The following CFAP74 variants were observed in gnomAD, a reference collection of about 807,000 sequenced individuals.
CFAP74 encodes the protein cilia- and flagella-associated protein 74.
Under a neutral mutation model 188.9 loss-of-function variants are expected in CFAP74, and 124 were observed. That is an observed-to-expected ratio of 0.66 (90% CI 0.57 to 0.76). The LOEUF is 0.76. Among genes scored for constraint, CFAP74 ranks in the 30% least tolerant of loss-of-function variants. The pLI is 0.00. For missense variants in CFAP74, 2,198 were observed against 2,165.2 expected (o/e 1.02, Z -0.30); for synonymous variants, 956 against 916.7 (o/e 1.04, Z -0.77).
chr1:1,934,020 T>A (rs1015089528), intron 25 of CFAP74, among the ~76,000 whole-genome samples: 19 of 152,140 alleles, frequency 1.2e-4, no homozygotes, highest in African/African-American at 4.3e-4. Context: ...GTCACAAAAA[T>A]ACCCAGGCTG....
chr1:1,969,812 T>C (rs936104855), intron 10 of CFAP74, among the ~76,000 whole-genome samples: 1 of 152,016 alleles, frequency 6.6e-6, no homozygotes, highest in African/African-American at 2.4e-5. Flanking sequence ...GAGGATGCCT[T>C]GCCCAGTGAG....
chr1:1,937,831 G>C (rs1353338012), intron 25 of CFAP74, among the ~76,000 whole-genome samples: 1 of 141,254 alleles, frequency 7.1e-6, no homozygotes, highest in Non-Finnish European at 1.6e-5. Flanking sequence ...AGAGCACGCA[G>C]GGATTTACAA....
At position 1,985,387 on chromosome 1, in the gene CFAP74, C is replaced by T. The variant is rs868704620; in HGVS notation, c.499G>A (p.Glu167Lys). The T allele has an allele frequency of 1.1e-5, 18 of 1,613,326 alleles. No individual in the cohort carries two copies. Among genetic ancestry groups the T allele is most frequent in the East Asian group, 2.2e-5 (1 of 44,894 alleles). Residue 167 changes from glutamate to lysine, a missense_variant and splice_region_variant, in exon 6 of 39, where the codon GAG becomes AAG. Transcript: ENST00000682832. ...SRTEAVLKES[E>K]NTMWHIEIQE... ...AGTCCCGGCTGCACACCGACTCACTCGCTCTCCTTCAGCACGGCCTCAGTC... is the reference window on the plus strand; with the variant it reads ...AGTCCCGGCTGCACACCGACTCACTTGCTCTCCTTCAGCACGGCCTCAGTC...
chr1:1,969,062 C>T lies in CFAP74; in HGVS notation c.1047-229G>A, dbSNP rs910969660. 2.4e-4 allele frequency among the ~76,000 whole-genome samples: 36 copies of T among 152,292 alleles called. 1 individual carries two copies. Among genetic ancestry groups the T allele is most frequent in the Non-Finnish European group, 1.3e-4 (9 of 68,006 alleles). On this transcript the variant is annotated intron_variant, in intron 10 of 38. Transcript: ENST00000682832. ...GGAACTTCCTGGTCCTGGAGCTAAA[C>T]GCAAGCTCCAGTGGGAAGCAGATGG...
At position 1,975,100 on chromosome 1, in the gene CFAP74, C is replaced by G. The variant is rs918091014; in HGVS notation, c.501-902G>C. ...ACTGCATTGCTGACATTCCACGTGACGTGTGCCACAGCTCTGTCCTAGACA... is the reference window on the plus strand; with the variant it reads ...ACTGCATTGCTGACATTCCACGTGAGGTGTGCCACAGCTCTGTCCTAGACA... On this transcript the variant is annotated intron_variant, in intron 6 of 38. Transcript: ENST00000682832. This position sits in a 1 kb window ranked among gnomAD's most constrained non-coding sequence, Gnocchi z 4.5. Among the ~76,000 whole-genome samples the G allele has an allele frequency of 1.3e-5, 2 of 152,238 alleles. No homozygotes were observed. Among genetic ancestry groups the G allele is most frequent in the Admixed American group, 6.5e-5 (1 of 15,290 alleles).
chr1:1,947,240 C>A (rs1258678209), intron 18 of CFAP74, among the ~76,000 whole-genome samples, 186 bp from the exon 19 acceptor site: 1 of 152,250 alleles, frequency 6.6e-6, no homozygotes, highest in South Asian at 2.1e-4. Flanking sequence ...CCAGTCCCCA[C>A]CGTGCCCGGA....
In CFAP74 at chr1:1,988,503, C is replaced by T; in HGVS notation, c.296+9G>A. 1 of 1,610,228 alleles carries T rather than the reference C, an allele frequency of 6.2e-7. No homozygotes were observed. The highest frequency in any genetic ancestry group is 8.5e-7 in the Non-Finnish European group (1 of 1,179,948). ...AGGTGCAGGTGCAGCGGCCTCAGCC[C>T]CAGCTCACCTCATCTTCTCAGTGAA... On this transcript the variant is annotated intron_variant, in intron 4 of 38. Transcript: ENST00000682832.
At chr1:1,950,868 A>T (rs1443996763) in intron 18 of CFAP74, among the ~76,000 whole-genome samples, 1 of 152,168 alleles carries the variant, frequency 6.6e-6, no homozygotes, top group Non-Finnish European at 1.5e-5. Context: ...TATGTCTAAG[A>T]AAAACCTTTG....
chr1:1,959,013 C>T lies in CFAP74; in HGVS notation c.1851+107G>A, dbSNP rs1654867723. The T allele has an allele frequency of 5.4e-6, 4 of 740,522 alleles. No homozygotes were observed. In the African/African-American group the frequency reaches 7.1e-5, roughly 13 times the overall value. 45.9% of individuals were successfully genotyped at this position (740,522 alleles called of 1,614,324 possible). A position where few individuals can be genotyped will look rare whatever the true frequency, so the allele number is the denominator to read the frequency against. ...CCCTGGTGAAGATTGGAGCTTCCAC[C>T]TGGTCCCCCCGCCAACCTGCACCCC... On this transcript the variant is annotated intron_variant, in intron 16 of 38. Transcript: ENST00000682832.
At chr1:1,922,783 A>T in intron 37 of CFAP74, 60 bp from the exon 38 acceptor site, 1 of 1,565,692 alleles carries the variant, frequency 6.4e-7, no homozygotes, top group Non-Finnish European at 8.6e-7. Context: ...AAGCAGTGGG[A>T]CTAGGGGTGA....
chr1:1,957,853 C>T lies in CFAP74; in HGVS notation c.1852-1069G>A, dbSNP rs562805720. Among the ~76,000 whole-genome samples, 4 of 152,264 alleles carry T rather than the reference C, an allele frequency of 2.6e-5. No individual in the cohort carries two copies. In the South Asian group the frequency reaches 8.3e-4, roughly 32 times the overall value. On this transcript the variant is annotated intron_variant, in intron 16 of 38. Transcript: ENST00000682832. ...TTGGCTCACCAAGAGCCCGCACAGC[C>T]GAGTGCCGGCCCAACCGTGACCGCT...
intron 22 of CFAP74, among the ~76,000 whole-genome samples, chr1:1,941,621 CG>C: frequency 6.6e-6 from 1 of 152,196 alleles, no homozygotes; most frequent in African/African-American, 2.4e-5. Context: ...GGGAAGACAG[CG>C]GGGGAGTGCA....
At chr1:1,985,315 C>A (rs1401050694) in intron 6 of CFAP74, 71 bp downstream of exon 6, 1 of 1,326,284 alleles carries the variant, frequency 7.5e-7, no homozygotes, top group African/African-American at 1.4e-5. Flanking sequence ...TTGCTCTCTG[C>A]CCCCAGATGG....
Position 1,922,615 on chromosome 1 carries a change from A to AG in CFAP74, c.4791dup (p.Ser1598LeufsTer9). On this transcript the variant is annotated frameshift_variant, in exon 38 of 39. Coordinates refer to ENST00000682832, the MANE Select transcript of CFAP74 (RefSeq NM_001304360.2). LOFTEE classifies it high-confidence loss of function. Reference sequence around the variant, plus strand: ...TCAAAGTCCGCAGGTGGCACCCAGGAGATGCTGATGGTCTTCGTCTGGCCG... The same window carrying AG: ...TCAAAGTCCGCAGGTGGCACCCAGGAGGATGCTGATGGTCTTCGTCTGGCCG... 1 of 1,607,338 alleles carries AG rather than the reference A, an allele frequency of 6.2e-7. No homozygotes were observed.
chr1:1,988,816 T>TGGGGCC, intron 3 of CFAP74, 73 bp downstream of exon 3: 2 of 569,878 alleles, frequency 3.5e-6, no homozygotes, highest in Non-Finnish European at 2.9e-6. Flanking sequence ...CCCGCTCCCT[T>TGGGGCC]CACCCACCCC....
At chr1:1,934,081 C>T (rs553883481) in intron 25 of CFAP74, among the ~76,000 whole-genome samples, 1 of 152,340 alleles carries the variant, frequency 6.6e-6, no homozygotes, top group South Asian at 2.1e-4. Context: ...AGGCCACCGG[C>T]ATGAGGTCCC....
At position 1,973,469 on chromosome 1, in the gene CFAP74, AG is replaced by A. The variant is rs1240077116; in HGVS notation, c.675-423del. 6.6e-6 allele frequency among the ~76,000 whole-genome samples: 1 copy of A among 151,740 alleles called. No homozygotes were observed. The highest frequency in any genetic ancestry group is 1.5e-5 in the Non-Finnish European group (1 of 67,922). On this transcript the variant is annotated intron_variant, in intron 7 of 38. Transcript: ENST00000682832. This position sits in a 1 kb window ranked among gnomAD's most constrained non-coding sequence, Gnocchi z 6.2. ...GATGGGGGAGGGGATGGAGGCCAGA[AG>A]GGGGTCCCGAGGAGAGAGGCTCACG... is the stretch of plus-strand genomic sequence containing the variant.
chr1:1,987,120 T>A, intron 4 of CFAP74, 85 bp from the exon 5 acceptor site: 1 of 1,161,920 alleles, frequency 8.6e-7, no homozygotes, highest in Non-Finnish European at 1.2e-6. Flanking sequence ...TGGGGCCAGG[T>A]GAGGCAGAGC....
At chr1:1,935,551 G>A (rs1652835217) in intron 25 of CFAP74, among the ~76,000 whole-genome samples, 1 of 101,454 alleles carries the variant, frequency 9.9e-6, no homozygotes, top group Non-Finnish European at 2.2e-5. Flanking sequence ...TTAGGTTGTA[G>A]GTATACACGT....
Sources: allele counts gnomAD v4.1 joint callset (sites outside exome capture counted in the v4.1 genomes callset), GRCh38; gene constraint gnomAD v4.1.1; non-coding constraint Gnocchi (gnomAD v3.1); transcripts MANE v1.5; gene names NCBI Gene and HGNC (gene_info 2026-07-23, HGNC 2026-07-21).